The following BCKDHB variants were observed in gnomAD, a reference collection of about 807,000 sequenced individuals.
BCKDHB encodes 2-oxoisovalerate dehydrogenase subunit beta, mitochondrial.
A neutral mutation model predicts 48.5 loss-of-function variants in BCKDHB; 41 were observed. That is an observed-to-expected ratio of 0.85 (90% confidence interval 0.66 to 1.10). BCKDHB has a LOEUF of 1.10. Among genes scored for constraint, BCKDHB ranks in the 50% least tolerant of loss-of-function variants. The probability of loss-of-function intolerance (pLI) is 0.00; values close to 1 mark genes in which losing one functional copy is unlikely to be tolerated. For missense variants in BCKDHB, 496 were observed against 494.2 expected (o/e 1.00, Z -0.03); for synonymous variants, 201 against 174.8 (o/e 1.15, Z -1.18).
At chr6:80,359,742 G>C in the BCKDHB span, among the ~76,000 whole-genome samples, 1 of 151,946 alleles carries the variant, frequency 6.6e-6, no homozygotes, top group South Asian at 2.1e-4. Flanking sequence ...TTACAGGTGC[G>C]TGCCACCACG....
At chr6:80,448,200 A>G in the BCKDHB span, among the ~76,000 whole-genome samples, 7 of 152,292 alleles carry the variant, frequency 4.6e-5, no homozygotes, top group African/African-American at 1.4e-4. Flanking sequence ...AGACTTTTGT[A>G]TGTTGGAGGA....
Position 80,106,671 on chromosome 6 carries a change from G to T in BCKDHB, c.-23G>T. 1.3e-6 allele frequency: 2 copies of T among 1,548,692 alleles called. No individual in the cohort carries two copies. Among genetic ancestry groups the T allele is most frequent in the Non-Finnish European group, 1.7e-6 (2 of 1,146,542 alleles). ...CAGGCGGCGTGCGGCTGCATAGCCTGAGAATCCCGGTGGTGAGCGGGGATG... is the reference window on the plus strand; with the variant it reads ...CAGGCGGCGTGCGGCTGCATAGCCTTAGAATCCCGGTGGTGAGCGGGGATG... On this transcript the variant is annotated 5_prime_UTR_variant, in exon 1 of 10. Transcript: ENST00000320393.
chr6:80,406,192 A>G, the BCKDHB span, among the ~76,000 whole-genome samples: 1 of 152,210 alleles, frequency 6.6e-6, no homozygotes, highest in Non-Finnish European at 1.5e-5. Context: ...TCCATGGTGT[A>G]TATATGCCAC....
At chr6:80,342,308 A>C (rs1421163773) in intron 9 of BCKDHB, among the ~76,000 whole-genome samples, 1 of 152,172 alleles carries the variant, frequency 6.6e-6, no homozygotes, top group African/African-American at 2.4e-5. Flanking sequence ...CAATGTGTAA[A>C]CACATGAATA....
intron 9 of BCKDHB, among the ~76,000 whole-genome samples, chr6:80,303,543 G>A (rs1437849335): frequency 6.6e-6 from 1 of 151,996 alleles, no homozygotes; most frequent in Non-Finnish European, 1.5e-5. Context: ...GAGCCAGAAA[G>A]GATACTGACA....
chr6:80,112,712 C>T (rs911577815), intron 1 of BCKDHB, among the ~76,000 whole-genome samples: 8 of 152,182 alleles, frequency 5.3e-5, no homozygotes, highest in East Asian at 3.9e-4. Flanking sequence ...GAACCTCTGC[C>T]GAGGGCGTCC....
At chr6:80,279,788 A>G (rs1778124429) in intron 9 of BCKDHB, among the ~76,000 whole-genome samples, 1 of 152,154 alleles carries the variant, frequency 6.6e-6, no homozygotes, top group African/African-American at 2.4e-5. Context: ...TCATCCAAGA[A>G]TTGGTGTCCT....
intron 9 of BCKDHB, among the ~76,000 whole-genome samples, chr6:80,301,087 G>A (rs1182031468): frequency 6.6e-6 from 1 of 151,428 alleles, no homozygotes; most frequent in Non-Finnish European, 1.5e-5. Flanking sequence ...TAAGAAGTTA[G>A]AAAGGTTTCG....
At chr6:80,380,182 A>G in the BCKDHB span, among the ~76,000 whole-genome samples, 12 of 152,228 alleles carry the variant, frequency 7.9e-5, no homozygotes, top group East Asian at 1.9e-3. Flanking sequence ...CCTGACTTCA[A>G]ATTATATTAC....
chr6:80,160,536 A>G (rs762121698), intron 3 of BCKDHB, among the ~76,000 whole-genome samples: 7 of 152,184 alleles, frequency 4.6e-5, no homozygotes, highest in Non-Finnish European at 8.8e-5. Context: ...GATAGGGAAT[A>G]GGGTTCACTG....
the BCKDHB span, among the ~76,000 whole-genome samples, chr6:80,357,760 A>G: frequency 2.6e-5 from 4 of 152,160 alleles, no homozygotes; most frequent in Non-Finnish European, 5.9e-5. Context: ...TTTATTTGCA[A>G]CGATGCTCTG....
At position 80,155,470 on chromosome 6, in the gene BCKDHB, T is replaced by C. The variant is rs116674165; in HGVS notation, c.344-12208T>C. Among the ~76,000 whole-genome samples the C allele has an allele frequency of 6.9e-3, 1,049 of 152,288 alleles. 8 individuals are homozygous for C. The highest frequency in any genetic ancestry group is 0.024 in the African/African-American group (989 of 41,578). On this transcript the variant is annotated intron_variant, in intron 3 of 9. Transcript: ENST00000320393. ...GTATCAAGCTGCCAGTTACTGGCTA[T>C]TGACTTTGGGCTAACCACTTAAGTA...
At chr6:80,223,555 T>G (rs1005293272) in intron 8 of BCKDHB, among the ~76,000 whole-genome samples, 1 of 152,232 alleles carries the variant, frequency 6.6e-6, no homozygotes, top group Non-Finnish European at 1.5e-5. Context: ...GAACTACTTA[T>G]GAATTTTTCT....
chr6:80,449,802 G>C, the BCKDHB span, among the ~76,000 whole-genome samples: 34 of 152,204 alleles, frequency 2.2e-4, no homozygotes, highest in African/African-American at 7.7e-4. Context: ...ATAATGTTCT[G>C]TCATCAACAA....
At chr6:80,409,922 C>T in the BCKDHB span, among the ~76,000 whole-genome samples, 1 of 151,908 alleles carries the variant, frequency 6.6e-6, no homozygotes, top group East Asian at 1.9e-4. Context: ...AGCCCATTTA[C>T]ATTTAATCCT....
intron 8 of BCKDHB, among the ~76,000 whole-genome samples, chr6:80,244,485 T>A (rs981695187): frequency 2.6e-5 from 4 of 152,246 alleles, no homozygotes; most frequent in African/African-American, 9.6e-5. Flanking sequence ...CAGTTAAAAT[T>A]ACCCTTAAAG....
intron 9 of BCKDHB, among the ~76,000 whole-genome samples, chr6:80,301,197 T>C (rs546405518): frequency 1.3e-5 from 2 of 151,892 alleles, no homozygotes; most frequent in South Asian, 4.2e-4. Flanking sequence ...ATTAGAGAAC[T>C]TAATGAGATT....
At chr6:80,276,875 AAAAAACAGTGC>A (rs1777988272) in intron 9 of BCKDHB, among the ~76,000 whole-genome samples, 1 of 152,012 alleles carries the variant, frequency 6.6e-6, no homozygotes, top group South Asian at 2.1e-4. Context: ...TTACAAAAAT[AAAAAACAGTGC>A]ATCTAATTTA....
intron 9 of BCKDHB, among the ~76,000 whole-genome samples, chr6:80,340,494 C>T (rs898501992): frequency 3.3e-5 from 5 of 152,200 alleles, no homozygotes; most frequent in South Asian, 2.1e-4. Flanking sequence ...GAACACTCCC[C>T]GTTTCTAGCC....
Sources: allele counts gnomAD v4.1 joint callset (sites outside exome capture counted in the v4.1 genomes callset), GRCh38; gene constraint gnomAD v4.1.1; transcripts MANE v1.5; gene names NCBI Gene and HGNC (gene_info 2026-07-23, HGNC 2026-07-21).